ASS1: variants seen among roughly 807,000 people sequenced by gnomAD.
ASS1 encodes the protein argininosuccinate synthase 1, also known as argininosuccinate synthase.
In ASS1, 58 loss-of-function variants were observed where a neutral mutation model predicts 60.5. That is an observed-to-expected ratio of 0.96 (90% CI 0.78 to 1.19). The LOEUF is 1.19. Ranked by LOEUF, ASS1 falls within the 50% of genes most tolerant of loss-of-function variation. The pLI, the probability that ASS1 is intolerant of heterozygous loss-of-function variation, is 0.00. For missense variants in ASS1, 454 were observed against 547.3 expected (o/e 0.83, Z 1.70); for synonymous variants, 200 against 206.9 (o/e 0.97, Z 0.29).
chr9:130,456,217 G>A (rs1455088208), intron 3 of ASS1, among the ~76,000 whole-genome samples: 2 of 152,182 alleles, frequency 1.3e-5, no homozygotes, highest in African/African-American at 4.8e-5. Flanking sequence ...TGTAATCCCA[G>A]CACTTTGGCA....
In ASS1 at chr9:130,494,962, G is replaced by A; in HGVS notation, c.1066G>A (p.Gly356Ser). The change falls in exon 13 of 15, where the codon GGC becomes AGC. Residue 356 changes from glycine (G) to serine (S), a missense_variant. Physicochemically the swap from Gly to Ser is moderately conservative, Grantham distance 56 (BLOSUM62 0). Transcript: ENST00000352480. This position sits in a 1 kb window ranked among gnomAD's most constrained non-coding sequence, Gnocchi z 4.3. ...EGKVQVSVLK[G>S]QVYILGRESP... ...GAAAGTGCAGGTGTCCGTCCTCAAG[G>A]GCCAGGTGTACATCCTCGGCCGGGA... 1 of 1,613,612 alleles carries A rather than the reference G, an allele frequency of 6.2e-7. No individual in the cohort carries two copies. Among genetic ancestry groups the A allele is most frequent in the East Asian group, 2.2e-5 (1 of 44,872 alleles).
chr9:130,451,095 C>T (rs1407080929), intron 1 of ASS1, among the ~76,000 whole-genome samples: 1 of 152,200 alleles, frequency 6.6e-6, no homozygotes, highest in Non-Finnish European at 1.5e-5. Flanking sequence ...AGTGAAGACG[C>T]CCAAGCCCAG....
At chr9:130,500,332 G>C (rs532745975) in intron 14 of ASS1, among the ~76,000 whole-genome samples, 11 of 152,276 alleles carry the variant, frequency 7.2e-5, no homozygotes, top group African/African-American at 2.4e-4. Context: ...CCGGGAACAG[G>C]CTGAGTGGTT....
At chr9:130,474,000 T>TC (rs1168424416) in intron 8 of ASS1, among the ~76,000 whole-genome samples, 2 of 109,392 alleles carry the variant, frequency 1.8e-5, no homozygotes, top group Admixed American at 8.9e-5. Context: ...TTTCGCCCTC[T>TC]CCCCCTAGCC....
chr9:130,485,161 C>T (rs894112976), intron 11 of ASS1, among the ~76,000 whole-genome samples: 1 of 152,192 alleles, frequency 6.6e-6, no homozygotes, highest in Non-Finnish European at 1.5e-5. Context: ...TCCTCGAGCC[C>T]TGAACCCCAC....
chr9:130,465,567 C>T (rs990596278), intron 5 of ASS1, among the ~76,000 whole-genome samples: 10 of 152,260 alleles, frequency 6.6e-5, no homozygotes, highest in African/African-American at 2.4e-4. Flanking sequence ...GGCTTGTGGC[C>T]ACCTGTGGGC....
At chr9:130,466,626 C>T in intron 5 of ASS1, 99 bp from the exon 6 acceptor site, 1 of 1,161,120 alleles carries the variant, frequency 8.6e-7, no homozygotes, top group South Asian at 1.3e-5. Context: ...CTGGAGACCC[C>T]CATGGGCCCC....
intron 11 of ASS1, among the ~76,000 whole-genome samples, chr9:130,483,472 C>G (rs1158982522): frequency 6.8e-6 from 1 of 147,308 alleles, no homozygotes; most frequent in East Asian, 2.0e-4. Context: ...TAGCTTTCTC[C>G]GTATTGTGGC....
In ASS1 at chr9:130,499,565, C is replaced by A; in HGVS notation, c.1188C>A (p.Ser396=). The change falls in exon 14 of 15, where the codon TCC becomes TCA. Residue 396 remains serine (S), a synonymous_variant. Coordinates refer to ENST00000352480, the MANE Select transcript of ASS1 (RefSeq NM_054012.4). ...TDATGFININ[S]LRLKEYHRLQ... is the part of the protein sequence containing the mutation. ...CCACCGGGTTCATCAACATCAATTC[C>A]CTCAGGTGAGAAGCTCAGGGCCCTG... is the stretch of plus-strand genomic sequence containing the variant. 6.2e-7 allele frequency: 1 copy of A among 1,613,396 alleles called. No individual in the cohort carries two copies. The highest frequency in any genetic ancestry group is 1.3e-5 in the African/African-American group (1 of 75,036).
chr9:130,464,656 C>T lies in ASS1; in HGVS notation c.420+489C>T, dbSNP rs1483710038. On this transcript the variant is annotated intron_variant, in intron 5 of 14. Coordinates refer to ENST00000352480, the MANE Select transcript of ASS1 (RefSeq NM_054012.4). Reference sequence around the variant, plus strand: ...GGTCCCCAGCATCTCTTGAGCCTTTCCTGGGGTGGGAATCACCAGGATCTC... The same window carrying T: ...GGTCCCCAGCATCTCTTGAGCCTTTTCTGGGGTGGGAATCACCAGGATCTC... Among the ~76,000 whole-genome samples the T allele has an allele frequency of 2.0e-5, 3 of 152,160 alleles. No individual in the cohort carries two copies. The East Asian group carries it at 5.8e-4, about 29-fold the overall frequency.
At position 130,489,498 on chromosome 9, in the gene ASS1, G is replaced by A. The variant is rs774462250; in HGVS notation, c.970+34G>A. On this transcript the variant is annotated intron_variant, in intron 12 of 14. Coordinates refer to ENST00000352480, the MANE Select transcript of ASS1 (RefSeq NM_054012.4). This position sits in a 1 kb window ranked among gnomAD's most constrained non-coding sequence, Gnocchi z 4.1. ...GACTCTATGGCTGCCCCCTCTAACC[G>A]CCTCACAAGGGATCCCAAAGTACTA... The A allele has an allele frequency of 1.3e-5, 21 of 1,613,662 alleles. No homozygotes were observed. Among genetic ancestry groups the A allele is most frequent in the African/African-American group, 4.0e-5 (3 of 74,970 alleles).
chr9:130,465,056 A>ATATATATATTTTTTTTTTTTTTTTTTT (rs1479147331), intron 5 of ASS1, among the ~76,000 whole-genome samples: 1 of 120,150 alleles, frequency 8.3e-6, no homozygotes, highest in African/African-American at 3.6e-5. Context: ...ATATATATAT[A>ATATATATATTTTTTTTTTTTTTTTTTT]TTTTTTTTTT....
At chr9:130,500,622 C>T (rs1846728634) in intron 14 of ASS1, among the ~76,000 whole-genome samples, 1 of 152,098 alleles carries the variant, frequency 6.6e-6, no homozygotes, top group South Asian at 2.1e-4. Context: ...GTCACCTCCA[C>T]CTCCCCTGCC....
At chr9:130,471,275 C>G (rs756688319) in intron 7 of ASS1, among the ~76,000 whole-genome samples, 1 of 152,228 alleles carries the variant, frequency 6.6e-6, no homozygotes, top group African/African-American at 2.4e-5. Context: ...CCCCAGAAGA[C>G]AGGTAAAGGC....
chr9:130,447,640 C>T (rs1845226050), intron 1 of ASS1, among the ~76,000 whole-genome samples: 1 of 152,210 alleles, frequency 6.6e-6, no homozygotes, highest in South Asian at 2.1e-4. Flanking sequence ...GCTGGAGAAA[C>T]CTGCCGTGGC....
intron 4 of ASS1, 109 bp downstream of exon 4, chr9:130,458,698 G>A: frequency 7.0e-7 from 1 of 1,424,912 alleles, no homozygotes; most frequent in South Asian, 1.3e-5. Flanking sequence ...GGCAGACTTG[G>A]TGCAAGGCAG....
intron 8 of ASS1, among the ~76,000 whole-genome samples, chr9:130,474,433 C>T (rs924305481): frequency 2.0e-5 from 3 of 152,052 alleles, no homozygotes; most frequent in African/African-American, 7.2e-5. Flanking sequence ...TGACAAGCAA[C>T]GCATTGAAAA....
At chr9:130,479,193 C>G (rs1220844824) in intron 9 of ASS1, among the ~76,000 whole-genome samples, 1 of 152,124 alleles carries the variant, frequency 6.6e-6, no homozygotes, top group Non-Finnish European at 1.5e-5. Context: ...GAGCGGGCAC[C>G]GTGTCACCCC....
chr9:130,480,682 A>G (rs1846149135), intron 11 of ASS1, among the ~76,000 whole-genome samples: 1 of 152,230 alleles, frequency 6.6e-6, no homozygotes, highest in African/African-American at 2.4e-5. Flanking sequence ...GGGCTGGGAG[A>G]GGCCCAGGAG....
Sources: gnomAD v4.1 joint callset for allele counts (sites outside exome capture counted in the v4.1 genomes callset) on GRCh38, gnomAD v4.1.1 for gene constraint, Gnocchi (gnomAD v3.1) non-coding constraint, MANE v1.5 for transcripts, NCBI Gene and HGNC (gene_info 2026-07-23, HGNC 2026-07-21) for gene names.